Variants in ARHGAP20 observed in about 807,000 individuals in gnomAD.
ARHGAP20 encodes Rho GTPase activating protein 20.
A neutral mutation model predicts 73.7 loss-of-function variants in ARHGAP20; 34 were observed. That is an observed-to-expected ratio of 0.46 (90% CI 0.35 to 0.61). The LOEUF (loss-of-function observed/expected upper bound fraction) is 0.61, where lower values mean the gene tolerates loss of function less well. ARHGAP20 is among the 20% of genes least tolerant of loss of function. ARHGAP20 has a pLI of 0.00. For missense variants in ARHGAP20, 1,314 were observed against 1,420.9 expected, an observed-to-expected ratio of 0.92 and a Z score of 1.21; for synonymous variants, 523 against 518.2, an observed-to-expected ratio of 1.01 and a Z score of -0.13.
intron 2 of ARHGAP20, among the ~76,000 whole-genome samples, chr11:110,636,550 T>G (rs895127290): frequency 6.6e-6 from 1 of 152,106 alleles, no homozygotes; most frequent in Non-Finnish European, 1.5e-5. Context: ...TCCGGGAGAA[T>G]TCACAATAAA....
intron 9 of ARHGAP20, among the ~76,000 whole-genome samples, chr11:110,597,035 G>A (rs9704284): frequency 0.033 from 4,931 of 150,886 alleles, 129 homozygotes; most frequent in Non-Finnish European, 0.053. Flanking sequence ...GCAAACTATC[G>A]CCAGGACAAA....
At chr11:110,648,706 C>T (rs1949282844) in intron 2 of ARHGAP20, among the ~76,000 whole-genome samples, 1 of 152,056 alleles carries the variant, frequency 6.6e-6, no homozygotes, top group South Asian at 2.1e-4. Context: ...TGGTCTTGAA[C>T]TCCTGACCTC....
chr11:110,644,031 G>A (rs1205822071), intron 2 of ARHGAP20, among the ~76,000 whole-genome samples: 3 of 152,004 alleles, frequency 2.0e-5, no homozygotes, highest in Non-Finnish European at 4.4e-5. Context: ...CAAGCTGAGA[G>A]ATAAGTCAAG....
chr11:110,608,399 AT>A (rs2134880926), intron 8 of ARHGAP20, among the ~76,000 whole-genome samples: 1 of 152,318 alleles, frequency 6.6e-6, no homozygotes, highest in South Asian at 2.1e-4. Flanking sequence ...ATAATTCCTC[AT>A]GACAAATGCT....
At chr11:110,695,791 T>C (rs1950323816) in intron 1 of ARHGAP20, among the ~76,000 whole-genome samples, 2 of 151,572 alleles carry the variant, frequency 1.3e-5, no homozygotes, top group Non-Finnish European at 3.0e-5. Flanking sequence ...AGAGTTACCA[T>C]ACGATCCTGC....
chr11:110,712,307 C>G lies in ARHGAP20; in HGVS notation c.-76G>C, dbSNP rs1298865343. ...GTCCGCGGGCTGCCGGCCGGAGGGG[C>G]GAGGACGCGCGGGCGGAGGCGCGGC... On this transcript the variant is annotated 5_prime_UTR_variant, in exon 1 of 15. Coordinates refer to ENST00000683387, the MANE Select transcript of ARHGAP20 (RefSeq NM_001384657.1). 4 of 1,182,348 alleles carry G rather than the reference C, an allele frequency of 3.4e-6. No homozygotes were observed. The highest frequency in any genetic ancestry group is 4.3e-6 in the Non-Finnish European group (4 of 927,672). The allele number at this position is 1,182,348 out of a possible 1,614,324, so 73.2% of individuals were successfully genotyped here.
rs111236514 is a variant in ARHGAP20, at chr11:110,606,572, T to G, written c.953A>C (p.Gln318Pro). 9.0e-5 allele frequency: 145 copies of G among 1,609,848 alleles called. No individual in the cohort carries two copies. In the African/African-American group the frequency reaches 1.7e-3, roughly 18 times the overall value. The change falls in exon 9 of 15, where the codon CAG becomes CCG. Residue 318 changes from glutamine (Q) to proline (P), a missense_variant. Physicochemically the swap from Gln to Pro is moderately conservative, Grantham distance 76 (BLOSUM62 -1). This residue lies in a region of ARHGAP20 where 443 missense variants were observed against 466.4 expected (regional missense o/e 0.95). Coordinates refer to ENST00000683387, the MANE Select transcript of ARHGAP20 (RefSeq NM_001384657.1). ...TAGAAGCAACTCACCACTCAGTTGC[T>G]GGGCTGCAGCCAGGCGGCTGGGCTT... is the stretch of plus-strand genomic sequence containing the variant. ...ILKPSRLAAAQQLSDSGHKTF... is the reference protein window; with the variant it reads ...ILKPSRLAAAPQLSDSGHKTF...
At chr11:110,595,502 G>A (rs1947934468) in intron 9 of ARHGAP20, among the ~76,000 whole-genome samples, 1 of 152,088 alleles carries the variant, frequency 6.6e-6, no homozygotes, top group South Asian at 2.1e-4. Flanking sequence ...ACCAATAACA[G>A]ACAAACGGAG....
At chr11:110,664,505 G>C (rs530280290) in intron 2 of ARHGAP20, among the ~76,000 whole-genome samples, 3 of 152,206 alleles carry the variant, frequency 2.0e-5, no homozygotes, top group Non-Finnish European at 4.4e-5. Flanking sequence ...AAGGCAGGCG[G>C]ATCATGAGGT....
chr11:110,629,158 C>T (rs1565447526), intron 3 of ARHGAP20, among the ~76,000 whole-genome samples: 1 of 151,920 alleles, frequency 6.6e-6, no homozygotes, highest in Non-Finnish European at 1.5e-5. Context: ...TTTTTGTTGT[C>T]TATTTATCTA....
chr11:110,613,164 C>T (rs545404985), intron 6 of ARHGAP20, among the ~76,000 whole-genome samples: 180 of 152,250 alleles, frequency 1.2e-3, no homozygotes, highest in African/African-American at 4.2e-3. Context: ...TCCTACATGC[C>T]TTTCCAGTAT....
At chr11:110,705,945 T>A (rs1950545851) in intron 1 of ARHGAP20, among the ~76,000 whole-genome samples, 1 of 152,112 alleles carries the variant, frequency 6.6e-6, no homozygotes, top group African/African-American at 2.4e-5. Context: ...ATACAAAACA[T>A]CTGAAAATGT....
chr11:110,627,836 T>C (rs2134947123), intron 3 of ARHGAP20, among the ~76,000 whole-genome samples: 1 of 152,286 alleles, frequency 6.6e-6, no homozygotes, highest in African/African-American at 2.4e-5. Flanking sequence ...CAGATCCTGG[T>C]TTTTAAAAAA....
intron 2 of ARHGAP20, among the ~76,000 whole-genome samples, chr11:110,637,471 C>T (rs1008387819): frequency 2.0e-5 from 3 of 152,076 alleles, no homozygotes; most frequent in African/African-American, 7.2e-5. Flanking sequence ...TCAACTGGAT[C>T]TCTGCTTGGC....
In ARHGAP20 at chr11:110,580,474, T is replaced by G. The variant is rs1263349297; in HGVS notation, c.2472A>C (p.Thr824=). Reference sequence around the variant, plus strand: ...CTGTGTGTGGTGGGGAGTATCCAGATGTATTCACATCAAAGGGCTGGTTCT... The same window carrying G: ...CTGTGTGTGGTGGGGAGTATCCAGAGGTATTCACATCAAAGGGCTGGTTCT... The part of the protein sequence containing the change: ...HSKNQPFDVN[T]SGYSPPHTAD... The change falls in exon 15 of 15, where the codon ACA becomes ACC. Residue 824 remains threonine (T), a synonymous_variant. Transcript: ENST00000683387. 3 of 1,614,078 alleles carry G rather than the reference T, an allele frequency of 1.9e-6. No homozygotes were observed. In the African/African-American group the frequency reaches 4.0e-5, roughly 22 times the overall value.
intron 2 of ARHGAP20, among the ~76,000 whole-genome samples, chr11:110,667,138 T>C (rs191855202): frequency 4.6e-5 from 7 of 152,194 alleles, no homozygotes; most frequent in African/African-American, 1.7e-4. Context: ...TTGATGAAAA[T>C]GGCTACACTA....
intron 2 of ARHGAP20, among the ~76,000 whole-genome samples, chr11:110,685,094 T>C (rs1950106271): frequency 1.3e-5 from 2 of 152,080 alleles, no homozygotes; most frequent in South Asian, 2.1e-4. Context: ...CACCGAAAAA[T>C]TATATGAAAC....
At chr11:110,671,373 A>C (rs1482280141) in intron 2 of ARHGAP20, among the ~76,000 whole-genome samples, 2 of 152,084 alleles carry the variant, frequency 1.3e-5, no homozygotes, top group Admixed American at 1.3e-4. Context: ...AACACCTACC[A>C]AAAAATCCTA....
intron 1 of ARHGAP20, among the ~76,000 whole-genome samples, chr11:110,693,989 G>T (rs1408742914): frequency 6.6e-6 from 1 of 151,750 alleles, no homozygotes; most frequent in Non-Finnish European, 1.5e-5. Context: ...CTCTGAAATA[G>T]AATATTTTTA....
Sources: allele counts gnomAD v4.1 joint callset (sites outside exome capture counted in the v4.1 genomes callset), GRCh38; gene constraint gnomAD v4.1.1; regional missense constraint gnomAD v4.1.1; transcripts MANE v1.5; gene names NCBI Gene and HGNC (gene_info 2026-07-23, HGNC 2026-07-21).